The following SEMA4D variants were observed in gnomAD, a reference collection of about 807,000 sequenced individuals.
SEMA4D encodes the protein semaphorin 4D.
SEMA4D carries 22 observed loss-of-function variants against 74.8 expected under a neutral mutation model. That is an observed-to-expected ratio of 0.29 (90% CI 0.21 to 0.42). SEMA4D has a LOEUF of 0.42. Ranked by LOEUF, SEMA4D falls within the 10% of genes least tolerant of loss-of-function variation. The pLI is 1.00. For synonymous variants in SEMA4D, 445 were observed against 463.7 expected (o/e 0.96, Z 0.52); for missense variants, 937 against 1,118.4 (o/e 0.84, Z 2.31).
intron 1 of SEMA4D, among the ~76,000 whole-genome samples, chr9:89,473,506 G>A (rs1409474451): frequency 2.6e-5 from 4 of 152,094 alleles, no homozygotes; most frequent in Admixed American, 6.5e-5. Context: ...GCTGACATGG[G>A]AGGACTGAAG....
In SEMA4D at chr9:89,399,303, T is replaced by C. The variant is rs963522180; in HGVS notation, c.288A>G (p.Lys96=). 16 of 1,613,750 alleles carry C rather than the reference T, an allele frequency of 9.9e-6. No homozygotes were observed. Among genetic ancestry groups the C allele is most frequent in the African/African-American group, 1.3e-5 (1 of 74,946 alleles). ...GTTTTGATTTCCCCTTTTCTGCACA[T>C]TTTGCTTTTTTGTCTTCTGAGACCT... ...YWKVSEDKKA[K]CAEKGKSKQT... The change falls in exon 5 of 16, where the codon AAA becomes AAG. Residue 96 remains lysine (K), a synonymous_variant. Transcript: ENST00000422704.
intron 1 of SEMA4D, among the ~76,000 whole-genome samples, chr9:89,476,998 C>G (rs1455543151): frequency 6.6e-6 from 1 of 152,148 alleles, no homozygotes; most frequent in Non-Finnish European, 1.5e-5. Context: ...AAATTCTCCC[C>G]AGGCCATTTC....
chr9:89,414,947 GGA>G (rs1488185318), intron 2 of SEMA4D, among the ~76,000 whole-genome samples: 1 of 152,198 alleles, frequency 6.6e-6, no homozygotes, highest in Non-Finnish European at 1.5e-5. Flanking sequence ...GGAAACCCAG[GGA>G]GAGAGACAGA....
At chr9:89,384,908 G>T in intron 13 of SEMA4D, 1 of 985,442 alleles carries the variant, frequency 1.0e-6, no homozygotes, top group Non-Finnish European at 1.2e-6. Flanking sequence ...GGCCCAAGGA[G>T]AAGGCACAGG....
chr9:89,469,215 C>T (rs1274467197), intron 1 of SEMA4D, among the ~76,000 whole-genome samples: 3 of 152,138 alleles, frequency 2.0e-5, no homozygotes, highest in Admixed American at 6.5e-5. Context: ...AACAACCAAC[C>T]ACCAAAATTC....
intron 18 of SEMA4D, chr9:89,363,292 T>A: frequency 3.8e-6 from 5 of 1,309,346 alleles, no homozygotes; most frequent in Non-Finnish European, 5.1e-6. Context: ...GCAGATTTCA[T>A]AAAGGAAACT....
At chr9:89,414,095 G>A (rs964871741) in intron 2 of SEMA4D, among the ~76,000 whole-genome samples, 1 of 152,244 alleles carries the variant, frequency 6.6e-6, no homozygotes, top group African/African-American at 2.4e-5. Context: ...CTGTCTGGCA[G>A]CTAGGGTAGA....
chr9:89,477,230 C>G (rs896609770), intron 1 of SEMA4D, among the ~76,000 whole-genome samples: 103 of 151,904 alleles, frequency 6.8e-4, no homozygotes, highest in African/African-American at 2.3e-3. Context: ...CACACACATG[C>G]ATATATGCAC....
In SEMA4D at chr9:89,388,536, C is replaced by T. The variant is rs1255162311; in HGVS notation, c.1107+100G>A. 5 of 1,419,370 alleles carry T rather than the reference C, an allele frequency of 3.5e-6. No individual in the cohort carries two copies. The African/African-American group carries it at 4.3e-5, about 12-fold the overall frequency. The allele number at this position is 1,419,370 out of a possible 1,614,324, so 87.9% of individuals were successfully genotyped here. ...CCCAATGCAGAGAGCCTTGGCGTGG[C>T]CAGGTACCCAGCCCATGAGCAGGCC... On this transcript the variant is annotated intron_variant, in intron 11 of 15. Coordinates refer to ENST00000422704, the MANE Select transcript of SEMA4D (RefSeq NM_001371194.2).
At chr9:89,431,450 G>A (rs186094018) in intron 2 of SEMA4D, among the ~76,000 whole-genome samples, 53 of 152,296 alleles carry the variant, frequency 3.5e-4, no homozygotes, top group Non-Finnish European at 7.2e-4. Flanking sequence ...TTTTTTTACT[G>A]GAGGCATTTT....
At chr9:89,471,941 G>A (rs1289445921) in intron 1 of SEMA4D, among the ~76,000 whole-genome samples, 2 of 151,776 alleles carry the variant, frequency 1.3e-5, no homozygotes, top group Admixed American at 6.5e-5. Flanking sequence ...TGCCAGCTCA[G>A]GTGCACACCA....
chr9:89,468,726 A>G (rs1216182487), intron 1 of SEMA4D, among the ~76,000 whole-genome samples: 1 of 152,060 alleles, frequency 6.6e-6, no homozygotes, highest in Non-Finnish European at 1.5e-5. Context: ...GTTTCTTCTC[A>G]CTCTGGTATA....
chr9:89,466,497 C>T (rs1858746041), intron 1 of SEMA4D, among the ~76,000 whole-genome samples: 1 of 152,158 alleles, frequency 6.6e-6, no homozygotes, highest in Non-Finnish European at 1.5e-5. Context: ...TGACTGCTCT[C>T]CATATGTACC....
At chr9:89,475,198 C>A (rs1362476580) in intron 1 of SEMA4D, among the ~76,000 whole-genome samples, 4 of 152,226 alleles carry the variant, frequency 2.6e-5, no homozygotes, top group African/African-American at 9.6e-5. Flanking sequence ...TTTGTGAGAA[C>A]CAGTGTCACA....
intron 2 of SEMA4D, chr9:89,418,030 A>G: frequency 3.2e-6 from 3 of 949,832 alleles, no homozygotes; most frequent in Non-Finnish European, 3.8e-6. Context: ...AACTGAAATT[A>G]CAGATCATGA....
intron 15 of SEMA4D, 87 bp downstream of exon 15, chr9:89,380,968 C>T (rs1021998189): frequency 6.7e-7 from 1 of 1,501,578 alleles, no homozygotes. Context: ...ACAAAACACA[C>T]ACAAATGCCA....
chr9:89,432,664 C>T (rs1003443064), intron 2 of SEMA4D, among the ~76,000 whole-genome samples: 7 of 152,052 alleles, frequency 4.6e-5, no homozygotes, highest in East Asian at 1.9e-4. Flanking sequence ...ACCTCCCAAC[C>T]GCCTCACACC....
intron 16 of SEMA4D, chr9:89,365,074 TACTG>T (rs1258443528): frequency 6.6e-6 from 1 of 152,320 alleles, no homozygotes; most frequent in African/African-American, 2.4e-5. Context: ...TCCCTGTTCT[TACTG>T]AAGGAAAAAC....
chr9:89,380,906 C>T, intron 15 of SEMA4D, 149 bp downstream of exon 15: 1 of 928,942 alleles, frequency 1.1e-6, no homozygotes, highest in East Asian at 2.6e-5. Context: ...ACAGAGAAGA[C>T]CACGAGTCTG....
Sources: allele counts gnomAD v4.1 joint callset (sites outside exome capture counted in the v4.1 genomes callset), GRCh38; gene constraint gnomAD v4.1.1; transcripts MANE v1.5; gene names NCBI Gene and HGNC (gene_info 2026-07-23, HGNC 2026-07-21).